The following SPATA13 variants were observed in gnomAD, a reference collection of about 807,000 sequenced individuals.
SPATA13 encodes spermatogenesis-associated protein 13.
A neutral mutation model predicts 104.0 loss-of-function variants in SPATA13; 50 were observed. That is an observed-to-expected ratio of 0.48 (90% confidence interval 0.38 to 0.61). The LOEUF (loss-of-function observed/expected upper bound fraction) is 0.61. Among genes scored for constraint, SPATA13 ranks in the 20% least tolerant of loss-of-function variants. SPATA13 has a pLI of 0.00. For synonymous variants in SPATA13, 606 were observed against 667.5 expected, an observed-to-expected ratio of 0.91 and a Z score of 1.42; for missense variants, 1,524 against 1,690.6, an observed-to-expected ratio of 0.90 and a Z score of 1.73.
intron 4 of SPATA13, among the ~76,000 whole-genome samples, chr13:24,270,416 TAA>T (rs1874517597): frequency 6.6e-6 from 1 of 152,238 alleles, no homozygotes. Flanking sequence ...ATTTTTGAAC[TAA>T]GTGACCCCTG....
chr13:24,248,685 C>T (rs1160491619), intron 2 of SPATA13, among the ~76,000 whole-genome samples: 2 of 152,204 alleles, frequency 1.3e-5, no homozygotes, highest in Admixed American at 6.5e-5. Context: ...AGAGGCTGCT[C>T]GAGTGTTGGG....
At chr13:24,188,332 C>CA (rs1004478702) in intron 1 of SPATA13, among the ~76,000 whole-genome samples, 5 of 74,520 alleles carry the variant, frequency 6.7e-5, no homozygotes, top group Admixed American at 3.5e-4. Flanking sequence ...ACTCCATCTC[C>CA]AAAAAAAATA....
chr13:24,156,282 A>G (rs1882254515), upstream of SPATA13, among the ~76,000 whole-genome samples: 1 of 152,190 alleles, frequency 6.6e-6, no homozygotes. Context: ...AGCAACTGTG[A>G]GGACAGCGTG....
chr13:24,024,366 GA>G (rs1877112617), intron 3 of SPATA13, among the ~76,000 whole-genome samples: 1 of 152,080 alleles, frequency 6.6e-6, no homozygotes, highest in African/African-American at 2.4e-5. Flanking sequence ...CGGATGGATG[GA>G]TGGATGGATG....
At chr13:24,071,414 C>A (rs1046502805) in intron 3 of SPATA13, among the ~76,000 whole-genome samples, 5 of 152,190 alleles carry the variant, frequency 3.3e-5, no homozygotes, top group African/African-American at 9.7e-5. Context: ...TTAGAGTGAA[C>A]CTTTATCTGC....
rs1875755625 is a variant in SPATA13, at chr13:24,284,270, A to T, written c.2300A>T (p.Glu767Val). ...QPGGEQLAIN[E>V]LISDGNVVCA... The stretch of plus-strand genomic sequence containing the variant: ...GGCGGGGAGCAGCTGGCCATCAATG[A>T]GGTACTGGAATTCCACACGACAGTA... Residue 767 changes from glutamate to valine, a missense_variant and splice_region_variant, in exon 5 of 13, where the codon GAG (glutamate) becomes GTG (valine). Coordinates refer to ENST00000382108, the MANE Select transcript of SPATA13 (RefSeq NM_001166271.3). 1 of 1,613,024 alleles carries T rather than the reference A, an allele frequency of 6.2e-7. No homozygotes were observed. Among genetic ancestry groups the T allele is most frequent in the African/African-American group, 1.3e-5 (1 of 74,872 alleles).
intron 4 of SPATA13, among the ~76,000 whole-genome samples, chr13:24,262,597 T>C (rs1874110568): frequency 6.6e-6 from 1 of 152,238 alleles, no homozygotes. Context: ...ATCCCAATCC[T>C]TGGGCAAGTC....
intron 1 of SPATA13, among the ~76,000 whole-genome samples, chr13:24,215,465 C>T (rs1470931998): frequency 1.3e-5 from 2 of 152,134 alleles, no homozygotes; most frequent in Non-Finnish European, 2.9e-5. Context: ...TACCTTAAGA[C>T]CTGATAGGCT....
chr13:24,283,587 C>T (rs1875708509), intron 4 of SPATA13, among the ~76,000 whole-genome samples: 1 of 152,218 alleles, frequency 6.6e-6, no homozygotes, highest in Admixed American at 6.5e-5. Context: ...TCTCTCTTTT[C>T]TGGTAAAAGT....
At chr13:24,244,285 T>G (rs977816339) in intron 2 of SPATA13, among the ~76,000 whole-genome samples, 10 of 152,224 alleles carry the variant, frequency 6.6e-5, no homozygotes, top group Non-Finnish European at 1.5e-4. Flanking sequence ...TCTGCAAAGA[T>G]CTAATCTCTA....
chr13:24,264,109 A>G (rs1316981312), intron 4 of SPATA13, among the ~76,000 whole-genome samples: 1 of 152,158 alleles, frequency 6.6e-6, no homozygotes, highest in Non-Finnish European at 1.5e-5. Flanking sequence ...ATAGTGTTCT[A>G]TTTCTTGTCT....
At chr13:24,173,983 T>A (rs1432165455) in intron 1 of SPATA13, among the ~76,000 whole-genome samples, 1 of 152,226 alleles carries the variant, frequency 6.6e-6, no homozygotes, top group Non-Finnish European at 1.5e-5. Flanking sequence ...CTTCATAAAA[T>A]GAGTCAGGAA....
intron 3 of SPATA13, among the ~76,000 whole-genome samples, chr13:24,055,926 C>A (rs2137748148): frequency 6.6e-6 from 1 of 152,280 alleles, no homozygotes; most frequent in African/African-American, 2.4e-5. Flanking sequence ...AATGCCGTGC[C>A]TTTTTATGGA....
At chr13:24,024,317 T>G (rs1209747968) in intron 3 of SPATA13, among the ~76,000 whole-genome samples, 1 of 150,704 alleles carries the variant, frequency 6.6e-6, no homozygotes, top group Admixed American at 6.6e-5. Context: ...CCATGGTGGG[T>G]GCTTAACTAT....
At position 24,160,952 on chromosome 13, in the gene SPATA13, G is replaced by A. The variant is rs1032208221; in HGVS notation, c.-112+20G>A. On this transcript the variant is annotated intron_variant, in intron 1 of 12. Transcript: ENST00000382108. ...CAGGAGGTAAGACGGCTTCGGGCGC[G>A]CGGCTCTGCCGGGCGGGCGCGGGCA... The A allele has an allele frequency of 9.1e-6, 9 of 985,470 alleles. No homozygotes were observed. Among genetic ancestry groups the A allele is most frequent in the Non-Finnish European group, 1.1e-5 (9 of 829,978 alleles). 61.0% of individuals were successfully genotyped at this position (985,470 alleles called of 1,614,324 possible). A position where few individuals can be genotyped will look rare whatever the true frequency, so the allele number is the denominator to read the frequency against.
upstream of SPATA13, among the ~76,000 whole-genome samples, chr13:24,157,378 A>T (rs1882289251): frequency 6.6e-6 from 1 of 152,062 alleles, no homozygotes; most frequent in South Asian, 2.1e-4. Context: ...GGCTCACTGC[A>T]AGCTCCGCCT....
rs544433222 is a variant in SPATA13 at position 24,270,656 on chromosome 13, C to A, written c.2165-13479C>A. 3.2e-5 allele frequency: 40 copies of A among 1,251,278 alleles called. No homozygotes were observed. The African/African-American group carries it at 5.0e-4, about 16-fold the overall frequency. The allele number at this position is 1,251,278 out of a possible 1,614,324, so 77.5% of individuals were successfully genotyped here. ...CGCAATGTCACTGTAGCCACTAACCCTTGGTCACACGGAGTGTGGAGCCAG... is the reference window on the plus strand; with the variant it reads ...CGCAATGTCACTGTAGCCACTAACCATTGGTCACACGGAGTGTGGAGCCAG... On this transcript the variant is annotated intron_variant, in intron 4 of 12. Transcript: ENST00000382108.
At chr13:24,226,176 A>G (rs1388030455) in intron 2 of SPATA13, among the ~76,000 whole-genome samples, 1 of 152,238 alleles carries the variant, frequency 6.6e-6, no homozygotes, top group African/African-American at 2.4e-5. Flanking sequence ...TTCTCACTCC[A>G]GGTCGCTGAC....
At chr13:23,986,192 G>A (rs4770537) in intron 2 of SPATA13, among the ~76,000 whole-genome samples, 21,153 of 152,218 alleles carry the variant, frequency 0.14, 1,824 homozygotes, top group Admixed American at 0.26. Flanking sequence ...CAGGGACCTA[G>A]TCATTGTATA....
Sources: gnomAD v4.1 joint callset for allele counts (sites outside exome capture counted in the v4.1 genomes callset) on GRCh38, gnomAD v4.1.1 for gene constraint, MANE v1.5 for transcripts, NCBI Gene and HGNC (gene_info 2026-07-23, HGNC 2026-07-21) for gene names.